CPVL: variants seen among roughly 807,000 people sequenced by gnomAD.
The protein encoded by CPVL is probable serine carboxypeptidase CPVL.
CPVL carries 51 observed loss-of-function variants against 63.7 expected under a neutral mutation model. That is an observed-to-expected ratio of 0.80 (90% CI 0.64 to 1.01). CPVL has a LOEUF of 1.01. Ranked by LOEUF, CPVL falls within the 50% of genes least tolerant of loss-of-function variation. CPVL has a pLI of 0.00. For missense variants in CPVL, 530 were observed against 573.1 expected (o/e 0.92, Z 0.77); for synonymous variants, 195 against 206.0 (o/e 0.95, Z 0.46).
At chr7:29,177,254 T>C (rs1006645067) in intron 5 of CPVL, among the ~76,000 whole-genome samples, 35 of 151,852 alleles carry the variant, frequency 2.3e-4, no homozygotes, top group African/African-American at 7.7e-4. Context: ...TTTGTTTTGT[T>C]TTGTTTTGTT....
chr7:29,133,401 A>T (rs1260819180), intron 1 of CPVL, among the ~76,000 whole-genome samples: 1 of 152,214 alleles, frequency 6.6e-6, no homozygotes, highest in Admixed American at 6.5e-5. Flanking sequence ...GTGTTTTCAT[A>T]GATCTTCTAA....
At chr7:29,150,566 A>G (rs534586477), upstream of CPVL, among the ~76,000 whole-genome samples, 1 of 152,346 alleles carries the variant, frequency 6.6e-6, no homozygotes, top group Admixed American at 6.5e-5. Flanking sequence ...TCATTTACAC[A>G]TCTTGATCAG....
intron 5 of CPVL, among the ~76,000 whole-genome samples, chr7:29,158,979 C>G (rs1023165291): frequency 3.9e-5 from 6 of 152,110 alleles, no homozygotes; most frequent in Non-Finnish European, 7.3e-5. Flanking sequence ...TCGAAATATC[C>G]TATGTAGTTA....
At chr7:29,165,455 CT>C (rs1207938264) in intron 5 of CPVL, among the ~76,000 whole-genome samples, 1 of 152,056 alleles carries the variant, frequency 6.6e-6, no homozygotes, top group Non-Finnish European at 1.5e-5. Context: ...TTTAAATCAC[CT>C]ATACTGGTTC....
At chr7:29,097,096 C>T (rs563621552) in intron 3 of CPVL, among the ~76,000 whole-genome samples, 40 of 151,654 alleles carry the variant, frequency 2.6e-4, no homozygotes, top group African/African-American at 4.4e-4. Flanking sequence ...CTTTAGCCAA[C>T]GCAAATAACA....
chr7:29,108,874 T>TA (rs1261684870), intron 3 of CPVL, among the ~76,000 whole-genome samples: 1 of 152,220 alleles, frequency 6.6e-6, no homozygotes, highest in Non-Finnish European at 1.5e-5. Context: ...TTGGCCACTA[T>TA]ACTCAAGTGC....
chr7:29,136,907 C>T lies in CPVL; in HGVS notation c.-11+9522G>A, dbSNP rs149854599. On this transcript the variant is annotated intron_variant, in intron 1 of 12. Coordinates refer to ENST00000265394, the MANE Select transcript of CPVL (RefSeq NM_031311.5). ...ATCCATTTTTCTCTGGCCCTGCATT[C>T]CCACAGCCAATCAATCACCAACTGA... is the stretch of plus-strand genomic sequence containing the variant. 4.6e-5 allele frequency among the ~76,000 whole-genome samples: 7 copies of T among 152,278 alleles called. No individual in the cohort carries two copies. The East Asian group carries it at 1.4e-3, about 29-fold the overall frequency.
intron 5 of CPVL, among the ~76,000 whole-genome samples, chr7:29,156,429 C>T (rs907203251): frequency 2.6e-5 from 4 of 152,050 alleles, no homozygotes; most frequent in African/African-American, 7.2e-5. Flanking sequence ...CTCCAAAACC[C>T]GAAAACTCCA....
chr7:29,000,098 G>C (rs1784469210), intron 12 of CPVL, among the ~76,000 whole-genome samples: 1 of 152,148 alleles, frequency 6.6e-6, no homozygotes, highest in South Asian at 2.1e-4. Context: ...ATGTGTTCCA[G>C]ATGTTCCAGG....
intron 11 of CPVL, among the ~76,000 whole-genome samples, chr7:29,047,099 C>T (rs1258615663): frequency 6.6e-6 from 1 of 152,156 alleles, no homozygotes; most frequent in Non-Finnish European, 1.5e-5. Flanking sequence ...TCCCTTCCTT[C>T]TTTCCAACTT....
At chr7:29,171,147 T>G (rs1796555360) in intron 5 of CPVL, among the ~76,000 whole-genome samples, 1 of 152,190 alleles carries the variant, frequency 6.6e-6, no homozygotes, top group Non-Finnish European at 1.5e-5. Flanking sequence ...TTCCCCCCAG[T>G]TCTGACTCTT....
At chr7:29,006,711 A>C (rs1490382107) in intron 12 of CPVL, among the ~76,000 whole-genome samples, 1 of 152,198 alleles carries the variant, frequency 6.6e-6, no homozygotes, top group Non-Finnish European at 1.5e-5. Flanking sequence ...CTGGGAATTT[A>C]GAATACACAG....
chr7:29,192,071 G>A (rs1171771666), intron 1 of CPVL: 5 of 152,342 alleles, frequency 3.3e-5, no homozygotes, highest in Non-Finnish European at 2.9e-5. Flanking sequence ...TGAACCTGGA[G>A]CTTTCTGTTT....
intron 5 of CPVL, among the ~76,000 whole-genome samples, chr7:29,154,897 A>T (rs1794121040): frequency 6.6e-6 from 1 of 152,244 alleles, no homozygotes; most frequent in African/African-American, 2.4e-5. Flanking sequence ...CAAATGAAAG[A>T]TGTTTAATTG....
At chr7:29,100,716 C>A (rs1002400651) in intron 3 of CPVL, among the ~76,000 whole-genome samples, 1 of 152,178 alleles carries the variant, frequency 6.6e-6, no homozygotes, top group African/African-American at 2.4e-5. Context: ...GATCTGTGTA[C>A]ACACCTCCAG....
At chr7:29,058,417 C>T (rs901867028) in intron 11 of CPVL, among the ~76,000 whole-genome samples, 1 of 151,956 alleles carries the variant, frequency 6.6e-6, no homozygotes, top group East Asian at 1.9e-4. Context: ...TTCCAAGAGG[C>T]TTTTTTGTTG....
At chr7:29,098,629 C>A (rs1786709634) in intron 3 of CPVL, among the ~76,000 whole-genome samples, 1 of 152,170 alleles carries the variant, frequency 6.6e-6, no homozygotes, top group Non-Finnish European at 1.5e-5. Context: ...CAGGGGTCAG[C>A]GCGGTATTAT....
chr7:29,131,120 G>A (rs1253460800), intron 1 of CPVL, among the ~76,000 whole-genome samples: 7 of 151,948 alleles, frequency 4.6e-5, no homozygotes, highest in Non-Finnish European at 7.4e-5. Flanking sequence ...GCAGTGAGCC[G>A]AGATCGCATC....
intron 1 of CPVL, among the ~76,000 whole-genome samples, chr7:29,124,411 T>A (rs1050561847): frequency 6.6e-5 from 10 of 152,096 alleles, no homozygotes; most frequent in Admixed American, 5.9e-4. Context: ...AGAAACAGAA[T>A]AAAATCTGGG....
Sources: allele counts gnomAD v4.1 joint callset (sites outside exome capture counted in the v4.1 genomes callset), GRCh38; gene constraint gnomAD v4.1.1; transcripts MANE v1.5; gene names NCBI Gene and HGNC (gene_info 2026-07-23, HGNC 2026-07-21).